Variants in SPPL3 observed in about 807,000 individuals in gnomAD.
SPPL3 encodes signal peptide peptidase like 3.
In SPPL3, 5 loss-of-function variants were observed where a neutral mutation model predicts 42.4. The ratio of observed to expected loss-of-function variants is 0.12; its 90% CI spans 0.06 to 0.25. The LOEUF (loss-of-function observed/expected upper bound fraction) is 0.25, where lower values mean the gene tolerates loss of function less well. Among genes scored for constraint, SPPL3 ranks in the 10% least tolerant of loss-of-function variants. The pLI is 1.00. For missense variants in SPPL3, 235 were observed against 489.0 expected (o/e 0.48, Z 4.90); for synonymous variants, 195 against 181.8 (o/e 1.07, Z -0.58).
intron 1 of SPPL3, among the ~76,000 whole-genome samples, chr12:120,873,221 G>C (rs1872981459): frequency 6.6e-6 from 1 of 152,140 alleles, no homozygotes; most frequent in South Asian, 2.1e-4. Context: ...CCTGCAGAAG[G>C]AAAGATGGTT....
chr12:120,777,503 G>C (rs1869365623), intron 6 of SPPL3, among the ~76,000 whole-genome samples: 1 of 152,036 alleles, frequency 6.6e-6, no homozygotes, highest in Non-Finnish European at 1.5e-5. Flanking sequence ...CTACTCTCCG[G>C]AAAAGTCTAA....
rs181045559 is a variant in SPPL3, at chr12:120,768,605, T to C, written c.610-117A>G. ...GAATGCTGTGACTGCAATGCTTTCG[T>C]TGACTGTATGATTTGAGAAAATCTT... On this transcript the variant is annotated intron_variant, in intron 7 of 10. Coordinates refer to ENST00000353487, the MANE Select transcript of SPPL3 (RefSeq NM_139015.5). The C allele has an allele frequency of 1.6e-4, 185 of 1,186,370 alleles. 1 individual carries two copies. The African/African-American group carries it at 2.5e-3, about 16-fold the overall frequency. The allele number at this position is 1,186,370 out of a possible 1,614,324, so 73.5% of individuals were successfully genotyped here.
At chr12:120,770,390 T>C (rs1161842893) in intron 6 of SPPL3, among the ~76,000 whole-genome samples, 3 of 152,194 alleles carry the variant, frequency 2.0e-5, no homozygotes, top group African/African-American at 7.2e-5. Context: ...TGCTTCTCTA[T>C]TGCAGTGGTT....
intron 6 of SPPL3, among the ~76,000 whole-genome samples, chr12:120,777,955 G>T (rs1869387169): frequency 6.6e-6 from 1 of 152,028 alleles, no homozygotes; most frequent in African/African-American, 2.4e-5. Flanking sequence ...AGTCTAGAGG[G>T]TAACTTGGTC....
intron 1 of SPPL3, among the ~76,000 whole-genome samples, chr12:120,846,857 G>A (rs1441297013): frequency 6.6e-6 from 1 of 152,198 alleles, no homozygotes; most frequent in African/African-American, 2.4e-5. Flanking sequence ...ATAGAGGGCA[G>A]GAAGAAAACA....
chr12:120,875,579 A>T (rs1189658199), intron 1 of SPPL3, among the ~76,000 whole-genome samples: 1 of 151,682 alleles, frequency 6.6e-6, no homozygotes, highest in South Asian at 2.1e-4. Flanking sequence ...CAGTCAGCCG[A>T]GACTGTGCCA....
At chr12:120,858,368 G>A (rs1872524557) in intron 1 of SPPL3, among the ~76,000 whole-genome samples, 2 of 151,690 alleles carry the variant, frequency 1.3e-5, no homozygotes. Flanking sequence ...GCTGAGGCAG[G>A]ACGCTTGAAC....
intron 1 of SPPL3, among the ~76,000 whole-genome samples, chr12:120,818,287 T>C (rs1870946435): frequency 6.6e-6 from 1 of 152,224 alleles, no homozygotes; most frequent in African/African-American, 2.4e-5. Context: ...TTGAAGACTT[T>C]GTCAACTGAT....
At chr12:120,859,041 T>C (rs1872548707) in intron 1 of SPPL3, among the ~76,000 whole-genome samples, 1 of 152,242 alleles carries the variant, frequency 6.6e-6, no homozygotes, top group Non-Finnish European at 1.5e-5. Context: ...ATTGCATTTC[T>C]TGAAGGCATA....
intron 1 of SPPL3, among the ~76,000 whole-genome samples, chr12:120,887,517 T>G (rs191364949): frequency 6.6e-6 from 1 of 152,148 alleles, no homozygotes; most frequent in Non-Finnish European, 1.5e-5. Flanking sequence ...CCAGAGTAAT[T>G]CGGTTAATCA....
At position 120,764,607 on chromosome 12, in the gene SPPL3, G is replaced by A. The variant is rs372218050; in HGVS notation, c.*392C>T. On this transcript the variant is annotated 3_prime_UTR_variant, in exon 11 of 11. Transcript: ENST00000353487. Reference sequence around the variant, plus strand: ...CTCGAGGGGTCATTGAAGAAACTTCGGTTTGCTAATTTTTTTCATCCTTTT... The same window carrying A: ...CTCGAGGGGTCATTGAAGAAACTTCAGTTTGCTAATTTTTTTCATCCTTTT... 8 of 348,560 alleles carry A rather than the reference G, an allele frequency of 2.3e-5. No homozygotes were observed. Among genetic ancestry groups the A allele is most frequent in the South Asian group, 1.5e-4 (1 of 6,624 alleles). 21.6% of individuals were successfully genotyped at this position (348,560 alleles called of 1,614,324 possible). A position where few individuals can be genotyped will look rare whatever the true frequency, so the allele number is the denominator to read the frequency against.
At chr12:120,865,024 A>C (rs1872718919) in intron 1 of SPPL3, among the ~76,000 whole-genome samples, 1 of 152,200 alleles carries the variant, frequency 6.6e-6, no homozygotes. Flanking sequence ...CACAGAGAGA[A>C]AGATAACTTC....
At chr12:120,861,990 TA>T (rs1872629575) in intron 1 of SPPL3, among the ~76,000 whole-genome samples, 1 of 152,136 alleles carries the variant, frequency 6.6e-6, no homozygotes. Context: ...AAAACAATAG[TA>T]AATAAGTGAA....
intron 1 of SPPL3, among the ~76,000 whole-genome samples, chr12:120,886,752 C>T (rs1263727931): frequency 1.3e-5 from 2 of 152,144 alleles, no homozygotes; most frequent in South Asian, 2.1e-4. Flanking sequence ...TGATCACACA[C>T]TCATCTGTTT....
intron 1 of SPPL3, among the ~76,000 whole-genome samples, chr12:120,812,237 C>T (rs1264342375): frequency 6.6e-5 from 10 of 151,670 alleles, no homozygotes; most frequent in East Asian, 3.9e-4. Flanking sequence ...TGGGTTCAAG[C>T]GATTCTCTTG....
At chr12:120,895,887 C>T (rs1031051645) in intron 1 of SPPL3, among the ~76,000 whole-genome samples, 11 of 152,202 alleles carry the variant, frequency 7.2e-5, no homozygotes, top group East Asian at 5.8e-4. Flanking sequence ...TCGAAGAAAC[C>T]GTAACAGAAT....
intron 6 of SPPL3, among the ~76,000 whole-genome samples, chr12:120,773,863 C>T (rs534733169): frequency 2.0e-4 from 31 of 152,326 alleles, no homozygotes; most frequent in African/African-American, 6.3e-4. Context: ...CTCAGCCTCC[C>T]GAAGTGCTGG....
chr12:120,861,426 A>G (rs1872615996), intron 1 of SPPL3, among the ~76,000 whole-genome samples: 2 of 152,252 alleles, frequency 1.3e-5, no homozygotes, highest in South Asian at 4.1e-4. Context: ...GGTGTTGGCA[A>G]TAAATAACAG....
chr12:120,806,684 T>TA (rs145125076), intron 2 of SPPL3, among the ~76,000 whole-genome samples: 1 of 151,624 alleles, frequency 6.6e-6, no homozygotes, highest in Admixed American at 6.6e-5. Flanking sequence ...ACGTCTCTAC[T>TA]AAAAAATACA....
Sources: allele counts gnomAD v4.1 joint callset (sites outside exome capture counted in the v4.1 genomes callset), GRCh38; gene constraint gnomAD v4.1.1; transcripts MANE v1.5; gene names NCBI Gene and HGNC (gene_info 2026-07-23, HGNC 2026-07-21).